Variants in CDH4 observed in about 807,000 individuals in gnomAD.
CDH4 encodes cadherin 4.
Under a neutral mutation model 86.0 loss-of-function variants are expected in CDH4, and 33 were observed. The observed-to-expected ratio is 0.38, with a 90% CI of 0.29 to 0.51. The LOEUF is 0.51. Among genes scored for constraint, CDH4 ranks in the 20% least tolerant of loss-of-function variants. The pLI is 0.86. For missense variants in CDH4, 1,114 were observed against 1,307.4 expected (o/e 0.85, Z 2.28); for synonymous variants, 555 against 549.4 (o/e 1.01, Z -0.14).
chr20:61,931,528 C>T (rs1426417272), intron 13 of CDH4, among the ~76,000 whole-genome samples: 6 of 152,254 alleles, frequency 3.9e-5, no homozygotes, highest in Non-Finnish European at 1.5e-5. Flanking sequence ...CTCTCGCCTC[C>T]GGGCTCACCC....
rs376809273 is a variant in CDH4 at position 61,902,914 on chromosome 20, G to A, written c.1189-7508G>A. Among the ~76,000 whole-genome samples the A allele has an allele frequency of 2.6e-5, 4 of 151,720 alleles. No individual in the cohort carries two copies. The South Asian group carries it at 8.3e-4, about 32-fold the overall frequency. On this transcript the variant is annotated intron_variant, in intron 8 of 15. Coordinates refer to ENST00000614565, the MANE Select transcript of CDH4 (RefSeq NM_001794.5). The surrounding 1 kb of genome is among the most constrained non-coding windows in gnomAD (Gnocchi z 4.6). ...CAGGCCTGTAGCTCCAGCTACATGG[G>A]AGGCCGAGGCAGGAGGATCACTTGA...
chr20:61,593,164 T>C (rs1028277249), intron 2 of CDH4, among the ~76,000 whole-genome samples: 1 of 152,186 alleles, frequency 6.6e-6, no homozygotes, highest in Non-Finnish European at 1.5e-5. Context: ...GTTTAAACCT[T>C]GGAGACTAGG....
intron 2 of CDH4, among the ~76,000 whole-genome samples, chr20:61,281,707 C>A (rs1444483081): frequency 6.6e-6 from 1 of 152,210 alleles, no homozygotes; most frequent in Non-Finnish European, 1.5e-5. Context: ...GCAAGGCTGA[C>A]CACAAAGCAA....
intron 2 of CDH4, among the ~76,000 whole-genome samples, chr20:61,513,707 C>A (rs1232074900): frequency 2.6e-5 from 4 of 152,214 alleles, no homozygotes; most frequent in Non-Finnish European, 5.9e-5. Context: ...ACAACCACAA[C>A]CTGTGTCCCA....
rs543714209 is a variant in CDH4, at chr20:61,622,800, C to T, written c.170-120763C>T. ...CACCCACCCTGCCCAGTTGTGACAG[C>T]CAAGACCATCTCCAAACGTTGCCCC... On this transcript the variant is annotated intron_variant, in intron 2 of 15. Transcript: ENST00000614565. Among the ~76,000 whole-genome samples, 9 of 152,304 alleles carry T rather than the reference C, an allele frequency of 5.9e-5. No homozygotes were observed. The South Asian group carries it at 1.2e-3, about 21-fold the overall frequency.
At chr20:61,507,992 G>A (rs1008957417) in intron 2 of CDH4, among the ~76,000 whole-genome samples, 40 of 152,218 alleles carry the variant, frequency 2.6e-4, no homozygotes, top group African/African-American at 8.7e-4. Flanking sequence ...GGAAGACGTC[G>A]CTGTCAGGAT....
At chr20:61,915,802 C>T (rs1485660682) in intron 9 of CDH4, among the ~76,000 whole-genome samples, 2 of 152,142 alleles carry the variant, frequency 1.3e-5, no homozygotes, top group African/African-American at 2.4e-5. Context: ...CTCTCCTGCA[C>T]CTTGGCCGTG....
At position 61,670,813 on chromosome 20, in the gene CDH4, G is replaced by A. The variant is rs147836980; in HGVS notation, c.170-72750G>A. Among the ~76,000 whole-genome samples, 56 of 152,250 alleles carry A rather than the reference G, an allele frequency of 3.7e-4. No individual in the cohort carries two copies. The East Asian group carries it at 0.01, about 27-fold the overall frequency. ...TGGGGCACTGTTCTCCTGTTGATAC[G>A]GGATAGAAAGGAAGGAAGGGGCTGG... is the stretch of plus-strand genomic sequence containing the variant. On this transcript the variant is annotated intron_variant, in intron 2 of 15. Coordinates refer to ENST00000614565, the MANE Select transcript of CDH4 (RefSeq NM_001794.5).
At chr20:61,884,523 G>A (rs578023424) in intron 7 of CDH4, among the ~76,000 whole-genome samples, 408 of 152,162 alleles carry the variant, frequency 2.7e-3, no homozygotes, top group African/African-American at 8.5e-3. Context: ...GGGGCTCCCC[G>A]TGTGGCCGTG....
chr20:61,374,265 C>T (rs1000668044), intron 2 of CDH4, among the ~76,000 whole-genome samples: 2 of 152,102 alleles, frequency 1.3e-5, no homozygotes, highest in African/African-American at 4.8e-5. Context: ...TGAAGCTGGA[C>T]CAGGGGCCGT....
At chr20:61,826,979 G>A (rs745422100) in intron 4 of CDH4, among the ~76,000 whole-genome samples, 7,322 of 149,260 alleles carry the variant, frequency 0.049, 206 homozygotes, top group Non-Finnish European at 0.072. Flanking sequence ...GTGTGTGTGT[G>A]TGTGTGTGTG....
At chr20:61,781,648 T>C (rs767548644) in intron 4 of CDH4, among the ~76,000 whole-genome samples, 7 of 152,048 alleles carry the variant, frequency 4.6e-5, no homozygotes, top group Non-Finnish European at 1.0e-4. Context: ...TGGCCTAACA[T>C]CTGTGTGATG....
intron 2 of CDH4, among the ~76,000 whole-genome samples, chr20:61,590,688 GC>G (rs908994021): frequency 1.3e-5 from 2 of 152,198 alleles, no homozygotes; most frequent in Non-Finnish European, 2.9e-5. Flanking sequence ...GGGTTTGGGA[GC>G]CCACGTTTGG....
chr20:61,720,480 C>T (rs2088025662), intron 2 of CDH4, among the ~76,000 whole-genome samples: 1 of 110,654 alleles, frequency 9.0e-6, no homozygotes, highest in African/African-American at 3.6e-5. Flanking sequence ...GTGGAGAATG[C>T]AGGGGTGTAG....
intron 2 of CDH4, among the ~76,000 whole-genome samples, chr20:61,522,921 G>A (rs1278550668): frequency 1.3e-5 from 2 of 152,382 alleles, no homozygotes; most frequent in East Asian, 3.9e-4. Flanking sequence ...TGCAGGGAAA[G>A]CACACAAAGC....
At chr20:61,609,035 A>C (rs1248464551) in intron 2 of CDH4, among the ~76,000 whole-genome samples, 3 of 152,180 alleles carry the variant, frequency 2.0e-5, no homozygotes, top group African/African-American at 4.8e-5. Flanking sequence ...CAGCTCCTCC[A>C]TCTTTTCCTG....
intron 2 of CDH4, among the ~76,000 whole-genome samples, chr20:61,483,938 T>C (rs2085581926): frequency 6.6e-6 from 1 of 152,176 alleles, no homozygotes; most frequent in Non-Finnish European, 1.5e-5. Context: ...TTCGCTCCTG[T>C]CCCATCTTTC....
At position 61,811,180 on chromosome 20, in the gene CDH4, A is replaced by G. The variant is rs375984419; in HGVS notation, c.577-33488A>G. 8.5e-5 allele frequency among the ~76,000 whole-genome samples: 13 copies of G among 152,324 alleles called. No individual in the cohort carries two copies. The East Asian group carries it at 2.5e-3, about 29-fold the overall frequency. ...CAAACATCCCCAAACTCTTAGAGAA[A>G]AAAAAAATGCAATCCCTGCTGAGGA... is the stretch of plus-strand genomic sequence containing the variant. On this transcript the variant is annotated intron_variant, in intron 4 of 15. Transcript: ENST00000614565. The surrounding 1 kb of genome is among the most constrained non-coding windows in gnomAD (Gnocchi z 4.4).
At chr20:61,927,898 C>T (rs937605261) in intron 11 of CDH4, among the ~76,000 whole-genome samples, 1 of 151,052 alleles carries the variant, frequency 6.6e-6, no homozygotes, top group African/African-American at 2.4e-5. Context: ...GTGTGTGCAG[C>T]TGCGGGTGTG....
Sources: gnomAD v4.1 joint callset for allele counts (sites outside exome capture counted in the v4.1 genomes callset) on GRCh38, gnomAD v4.1.1 for gene constraint, Gnocchi (gnomAD v3.1) non-coding constraint, MANE v1.5 for transcripts, NCBI Gene and HGNC (gene_info 2026-07-23, HGNC 2026-07-21) for gene names.